The following ZNF395 variants were observed in gnomAD, a reference collection of about 807,000 sequenced individuals.
ZNF395 encodes zinc finger protein 395, also known as HD gene regulatory region-binding protein 2.
A neutral mutation model predicts 57.7 loss-of-function variants in ZNF395; 20 were observed. The ratio of observed to expected loss-of-function variants is 0.35; its 90% confidence interval spans 0.24 to 0.50. The LOEUF (loss-of-function observed/expected upper bound fraction) is 0.50, where lower values mean the gene tolerates loss of function less well. Among genes scored for constraint, ZNF395 ranks in the 20% least tolerant of loss-of-function variants. ZNF395 has a pLI of 0.97. For missense variants in ZNF395, 606 were observed against 671.2 expected, an observed-to-expected ratio of 0.90 and a Z score of 1.07; for synonymous variants, 295 against 275.9, an observed-to-expected ratio of 1.07 and a Z score of -0.69.
chr8:28,349,001 T>C (rs1801643961), intron 9 of ZNF395, 124 bp downstream of exon 9: 2 of 1,168,034 alleles, frequency 1.7e-6, no homozygotes, highest in Non-Finnish European at 2.5e-6. Context: ...ATCTGGTGCA[T>C]CCGCCATCTG....
intron 1 of ZNF395, among the ~76,000 whole-genome samples, chr8:28,380,986 G>A (rs1282827280): frequency 2.0e-5 from 3 of 147,838 alleles, no homozygotes; most frequent in Non-Finnish European, 1.5e-5. Flanking sequence ...GTAGCTGGGA[G>A]TACAGGCATG....
In ZNF395 at chr8:28,356,733, G is replaced by A. The variant is rs372816052; in HGVS notation, c.520C>T (p.Leu174=). Residue 174 remains leucine (L), a synonymous_variant, in exon 4 of 10, where the codon CTG becomes TTG. Coordinates refer to ENST00000344423, the MANE Select transcript of ZNF395 (RefSeq NM_018660.3). The surrounding 1 kb of genome is among the most constrained non-coding windows in gnomAD (Gnocchi z 4.0). ...ACAGGGCTGCAGGACAGGGACGTCA[G>A]CACCATGGCCGCCATCATCTCATCC... is the stretch of plus-strand genomic sequence containing the variant. The part of the protein sequence containing the change: ...EMDEMMAAMV[L]TSLSCSPVVQ... 120 of 1,614,070 alleles carry A rather than the reference G, an allele frequency of 7.4e-5. 2 individuals carry two copies. In the South Asian group the frequency reaches 8.3e-4, roughly 11 times the overall value.
At chr8:28,351,468 G>A (rs1563336129) in intron 7 of ZNF395, 27 bp downstream of exon 7, 3 of 1,559,002 alleles carry the variant, frequency 1.9e-6, no homozygotes, top group East Asian at 2.3e-5. Flanking sequence ...CTATGAGCCT[G>A]AGCCTCCAGC....
At chr8:28,360,128 G>A (rs374422921) in intron 2 of ZNF395, among the ~76,000 whole-genome samples, 242 of 152,288 alleles carry the variant, frequency 1.6e-3, no homozygotes, top group Non-Finnish European at 1.9e-3. Flanking sequence ...TCCTTGACCC[G>A]GATGCACTGC....
chr8:28,362,638 C>G (rs2129963640), intron 1 of ZNF395, among the ~76,000 whole-genome samples: 1 of 152,208 alleles, frequency 6.6e-6, no homozygotes, highest in East Asian at 1.9e-4. Flanking sequence ...GCCTTCTTTC[C>G]TTTTCACCCT....
At chr8:28,365,580 T>C (rs963132109) in intron 1 of ZNF395, 3 of 152,212 alleles carry the variant, frequency 2.0e-5, no homozygotes, top group African/African-American at 7.2e-5. Context: ...TCCCACTTTA[T>C]GATTTTACAT....
intron 1 of ZNF395, among the ~76,000 whole-genome samples, chr8:28,369,025 G>A (rs1043320226): frequency 6.6e-6 from 1 of 151,942 alleles, no homozygotes; most frequent in Non-Finnish European, 1.5e-5. Flanking sequence ...TGGTAGAGAT[G>A]GGGTTTCACC....
At position 28,346,373 on chromosome 8, in the gene ZNF395, C is replaced by G. The variant is rs541299182; in HGVS notation, c.*2346G>C. ...GGCATGAATGGAACAACCCCGAGAA[C>G]AGAGCACGTGTGAAGAACCAACACG... is the stretch of plus-strand genomic sequence containing the variant. On this transcript the variant is annotated 3_prime_UTR_variant, in exon 10 of 10. Coordinates refer to ENST00000344423, the MANE Select transcript of ZNF395 (RefSeq NM_018660.3). 3.0e-4 allele frequency: 45 copies of G among 152,260 alleles called. No individual in the cohort carries two copies. The highest frequency in any genetic ancestry group is 1.0e-3 in the African/African-American group (42 of 41,502). 9.4% of individuals were successfully genotyped at this position (152,260 alleles called of 1,614,324 possible).
rs1008038336 is a variant in ZNF395, at chr8:28,356,887, C to G, written c.474-108G>C. 1 of 835,656 alleles carries G rather than the reference C, an allele frequency of 1.2e-6. No homozygotes were observed. Among genetic ancestry groups the G allele is most frequent in the Admixed American group, 2.4e-5 (1 of 42,008 alleles). 51.8% of individuals were successfully genotyped at this position (835,656 alleles called of 1,614,324 possible). On this transcript the variant is annotated intron_variant, in intron 3 of 9. Transcript: ENST00000344423. The surrounding 1 kb of genome is among the most constrained non-coding windows in gnomAD (Gnocchi z 4.0). Reference sequence around the variant, plus strand: ...GCTGGTTTCACACAATCATCTTACACTTCTGGACTGTCCCCTCCAAGTGCC... The same window carrying G: ...GCTGGTTTCACACAATCATCTTACAGTTCTGGACTGTCCCCTCCAAGTGCC...
chr8:28,380,829 T>C (rs137888357), intron 1 of ZNF395, among the ~76,000 whole-genome samples: 157 of 152,356 alleles, frequency 1.0e-3, no homozygotes, highest in African/African-American at 3.2e-3. Context: ...TTCAGTTTCA[T>C]TTTGTTAATG....
At chr8:28,369,599 C>T (rs988351478) in intron 1 of ZNF395, among the ~76,000 whole-genome samples, 1 of 152,238 alleles carries the variant, frequency 6.6e-6, no homozygotes, top group South Asian at 2.1e-4. Flanking sequence ...GTGCCTGCCC[C>T]GCTCACTTTC....
rs1233774373 is a variant in ZNF395, at chr8:28,353,118, C to T, written c.819+55G>A. On this transcript the variant is annotated intron_variant, in intron 5 of 9. Transcript: ENST00000344423. ...CCTGCTCTCCACGGCTGGCTGTCCC[C>T]ACACAGACATCATCCGCTCCAGCCT... is the stretch of plus-strand genomic sequence containing the variant. The T allele has an allele frequency of 7.0e-6, 11 of 1,570,320 alleles. No homozygotes were observed. In the African/African-American group the frequency reaches 1.2e-4, roughly 17 times the overall value.
At chr8:28,360,758 G>A in intron 2 of ZNF395, 127 bp downstream of exon 2, 5 of 1,345,102 alleles carry the variant, frequency 3.7e-6, no homozygotes, top group Non-Finnish European at 4.0e-6. Context: ...GGTGCCCTGT[G>A]GCTGGAGGGC....
At chr8:28,368,576 T>G (rs1585860304) in intron 1 of ZNF395, 2 of 144,092 alleles carry the variant, frequency 1.4e-5, no homozygotes, top group East Asian at 2.0e-4. Flanking sequence ...CTGGGGAGGG[T>G]GAGTTGGGGG....
chr8:28,379,900 T>C (rs901484869), intron 1 of ZNF395, among the ~76,000 whole-genome samples: 3 of 151,158 alleles, frequency 2.0e-5, no homozygotes, highest in Admixed American at 2.0e-4. Flanking sequence ...GGTATTTGTA[T>C]TTTGATATAC....
rs2129951152 is a variant in ZNF395 at position 28,356,514 on chromosome 8, C to A, written c.583+156G>T. Among the ~76,000 whole-genome samples the A allele has an allele frequency of 6.6e-6, 1 of 152,366 alleles. No homozygotes were observed. Among genetic ancestry groups the A allele is most frequent in the Non-Finnish European group, 1.5e-5 (1 of 68,038 alleles). On this transcript the variant is annotated intron_variant, in intron 4 of 9. Coordinates refer to ENST00000344423, the MANE Select transcript of ZNF395 (RefSeq NM_018660.3). This position sits in a 1 kb window ranked among gnomAD's most constrained non-coding sequence, Gnocchi z 4.0. ...GAGGAAAAAGAACGGAAGCATCTAA[C>A]TCCATGGCATGCAGCCGGTCAGAGG... is the stretch of plus-strand genomic sequence containing the variant.
intron 1 of ZNF395, chr8:28,375,372 T>C (rs1364859780): frequency 7.1e-6 from 1 of 141,106 alleles, no homozygotes; most frequent in Non-Finnish European, 1.5e-5. Flanking sequence ...TAGGAAACAG[T>C]GCAAGACTGT....
chr8:28,383,890 T>C (rs1285226354), intron 1 of ZNF395, among the ~76,000 whole-genome samples: 3 of 152,124 alleles, frequency 2.0e-5, no homozygotes, highest in Admixed American at 6.5e-5. Context: ...GAGTAGCCAA[T>C]TCCTTCTCTC....
rs555142307 is a variant in ZNF395 at position 28,376,613 on chromosome 8, T to A, written c.-59+9780A>T. Among the ~76,000 whole-genome samples, 13 of 151,776 alleles carry A rather than the reference T, an allele frequency of 8.6e-5. No homozygotes were observed. The East Asian group carries it at 2.3e-3, about 27-fold the overall frequency. On this transcript the variant is annotated intron_variant, in intron 1 of 9. Transcript: ENST00000344423. ...TCCAGCCTGGGCAACAGAGCAAGAC[T>A]CTGTCTCAAAACAAAAAAAAAAGGC...
Sources: allele counts gnomAD v4.1 joint callset (sites outside exome capture counted in the v4.1 genomes callset), GRCh38; gene constraint gnomAD v4.1.1; non-coding constraint Gnocchi (gnomAD v3.1); transcripts MANE v1.5; gene names NCBI Gene and HGNC (gene_info 2026-07-23, HGNC 2026-07-21).